Variants in MACROD2 observed in about 807,000 individuals in gnomAD.
The protein encoded by MACROD2 is mono-ADP ribosylhydrolase 2.
In MACROD2, 36 loss-of-function variants were observed where a neutral mutation model predicts 70.4. The ratio of observed to expected loss-of-function variants is 0.51; its 90% confidence interval spans 0.39 to 0.68. The LOEUF (loss-of-function observed/expected upper bound fraction) is 0.68. MACROD2 is among the 30% of genes least tolerant of loss of function. MACROD2 has a pLI of 0.00. For missense variants in MACROD2, 496 were observed against 538.4 expected (o/e 0.92, Z 0.78); for synonymous variants, 172 against 178.8 (o/e 0.96, Z 0.30).
chr20:15,388,754 T>A lies in MACROD2; in HGVS notation c.541-42651T>A, dbSNP rs185244769. On this transcript the variant is annotated intron_variant, in intron 6 of 17. Transcript: ENST00000684519. ...CAGCTAGTCAAGTTAAAGTCAAATG[T>A]TTAGGAGTCATTGCTGGTTATTAAA... is the stretch of plus-strand genomic sequence containing the variant. 2.2e-3 allele frequency among the ~76,000 whole-genome samples: 341 copies of A among 152,264 alleles called. 6 individuals carry two copies. The highest frequency in any genetic ancestry group is 0.019 in the Admixed American group (287 of 15,284).
At chr20:15,523,933 G>T (rs1455640321) in intron 8 of MACROD2, among the ~76,000 whole-genome samples, 1 of 152,024 alleles carries the variant, frequency 6.6e-6, no homozygotes, top group Admixed American at 6.6e-5. Context: ...TCGTGATCTA[G>T]GTGTTCTCTT....
At chr20:14,666,343 G>C (rs559208031) in intron 4 of MACROD2, among the ~76,000 whole-genome samples, 1 of 152,136 alleles carries the variant, frequency 6.6e-6, no homozygotes, top group Non-Finnish European at 1.5e-5. Context: ...TTTCTTCAAA[G>C]AGAGCATATT....
chr20:14,899,376 C>T (rs1185574737), intron 5 of MACROD2, among the ~76,000 whole-genome samples: 1 of 152,086 alleles, frequency 6.6e-6, no homozygotes, highest in Non-Finnish European at 1.5e-5. Context: ...AGGGTAGAGG[C>T]CTGAGATCAA....
chr20:14,428,632 A>C (rs2083961741), intron 3 of MACROD2, among the ~76,000 whole-genome samples: 1 of 152,140 alleles, frequency 6.6e-6, no homozygotes, highest in Admixed American at 6.6e-5. Context: ...TGTCGGCAAT[A>C]GAGTTGATTT....
intron 4 of MACROD2, among the ~76,000 whole-genome samples, chr20:14,573,314 C>A (rs1980343748): frequency 6.6e-6 from 1 of 152,030 alleles, no homozygotes; most frequent in East Asian, 1.9e-4. Context: ...CTCATGGGGG[C>A]AGTGATTTCT....
chr20:14,548,717 C>CAA lies in MACROD2; in HGVS notation c.301+55230_301+55231dup, dbSNP rs769527111. Among the ~76,000 whole-genome samples the CAA allele has an allele frequency of 3.8e-3, 338 of 89,142 alleles. 46 individuals are homozygous for CAA. Among genetic ancestry groups the CAA allele is most frequent in the African/African-American group, 0.017 (325 of 18,892 alleles). 58.5% of individuals were successfully genotyped at this position (89,142 alleles called of 152,430 possible). ...TGGGCGACAGAGTGAGACTCCGTCT[C>CAA]AAAAAAAAAAAAAAAAAAAAAATAC... On this transcript the variant is annotated intron_variant, in intron 4 of 17. Transcript: ENST00000684519.
At chr20:14,980,363 C>G (rs1600903378) in intron 5 of MACROD2, among the ~76,000 whole-genome samples, 1 of 152,116 alleles carries the variant, frequency 6.6e-6, no homozygotes, top group Non-Finnish European at 1.5e-5. Context: ...CCTTGTCCCA[C>G]CTTGGAACTC....
intron 3 of MACROD2, among the ~76,000 whole-genome samples, chr20:14,427,853 A>G (rs1348712094): frequency 6.6e-6 from 1 of 152,130 alleles, no homozygotes; most frequent in Non-Finnish European, 1.5e-5. Context: ...TGAAATACCA[A>G]GTGGCTGAAT....
At chr20:15,861,565 T>C (rs1218480204) in intron 8 of MACROD2, among the ~76,000 whole-genome samples, 1 of 152,170 alleles carries the variant, frequency 6.6e-6, no homozygotes, top group Non-Finnish European at 1.5e-5. Flanking sequence ...TCTTTGATGA[T>C]TACAGGTTAG....
intron 6 of MACROD2, among the ~76,000 whole-genome samples, chr20:15,347,782 C>A (rs1055091990): frequency 6.6e-6 from 1 of 151,978 alleles, no homozygotes; most frequent in African/African-American, 2.4e-5. Flanking sequence ...TTTGTTTTTT[C>A]CACTAGTACA....
intron 3 of MACROD2, among the ~76,000 whole-genome samples, chr20:14,303,202 G>A (rs2082491140): frequency 6.6e-6 from 1 of 152,086 alleles, no homozygotes; most frequent in Non-Finnish European, 1.5e-5. Flanking sequence ...GCTTTGCTAT[G>A]CGGCATTTTT....
At chr20:14,713,919 G>A (rs1424965044) in intron 5 of MACROD2, among the ~76,000 whole-genome samples, 1 of 152,160 alleles carries the variant, frequency 6.6e-6, no homozygotes, top group Non-Finnish European at 1.5e-5. Flanking sequence ...GGAGGGAAAG[G>A]ATGGGCAGGA....
intron 6 of MACROD2, among the ~76,000 whole-genome samples, chr20:15,264,358 AG>A (rs1322840160): frequency 6.6e-6 from 1 of 152,222 alleles, no homozygotes; most frequent in Non-Finnish European, 1.5e-5. Context: ...GCTGGGGCAA[AG>A]GGAACCTTCC....
intron 5 of MACROD2, among the ~76,000 whole-genome samples, chr20:14,759,262 A>G (rs947199784): frequency 6.6e-6 from 1 of 152,094 alleles, no homozygotes; most frequent in African/African-American, 2.4e-5. Context: ...CTTATATTTG[A>G]GTTAATTTTC....
At chr20:15,908,556 G>A (rs1241504472) in intron 10 of MACROD2, among the ~76,000 whole-genome samples, 2 of 152,180 alleles carry the variant, frequency 1.3e-5, no homozygotes, top group Admixed American at 6.5e-5. Context: ...CTTCTAGTTG[G>A]AATCCATATC....
intron 6 of MACROD2, among the ~76,000 whole-genome samples, chr20:15,413,640 G>A (rs1019752825): frequency 2.0e-5 from 3 of 152,132 alleles, no homozygotes; most frequent in South Asian, 4.1e-4. Context: ...TAAAAAAATT[G>A]TAAGTTATCT....
chr20:15,198,158 A>C (rs2076623064), intron 5 of MACROD2, among the ~76,000 whole-genome samples: 1 of 151,776 alleles, frequency 6.6e-6, no homozygotes, highest in Admixed American at 6.6e-5. Flanking sequence ...ACGGGGTTTC[A>C]CTATGTTGGC....
At chr20:15,074,520 A>G (rs990590039) in intron 5 of MACROD2, among the ~76,000 whole-genome samples, 1 of 152,178 alleles carries the variant, frequency 6.6e-6, no homozygotes, top group Non-Finnish European at 1.5e-5. Flanking sequence ...ACCTCGATTT[A>G]GAGCTGGTGG....
intron 3 of MACROD2, among the ~76,000 whole-genome samples, chr20:14,341,701 T>C (rs774624907): frequency 4.6e-5 from 7 of 152,208 alleles, no homozygotes; most frequent in East Asian, 1.9e-4. Context: ...TGGACTGTTA[T>C]TAGTTAAGAT....
Sources: allele counts gnomAD v4.1 joint callset (sites outside exome capture counted in the v4.1 genomes callset), GRCh38; gene constraint gnomAD v4.1.1; transcripts MANE v1.5; gene names NCBI Gene and HGNC (gene_info 2026-07-23, HGNC 2026-07-21).